The following ZC3H18 variants were observed in gnomAD, a reference collection of about 807,000 sequenced individuals.
ZC3H18 encodes zinc finger CCCH domain-containing protein 18.
In ZC3H18, 8 loss-of-function variants were observed where a neutral mutation model predicts 106.1. The observed-to-expected ratio is 0.08, with a 90% CI of 0.04 to 0.14. The LOEUF is 0.14. ZC3H18 is among the 10% of genes least tolerant of loss of function. The pLI is 1.00. For synonymous variants in ZC3H18, 635 were observed against 522.1 expected (o/e 1.22, Z -2.95); for missense variants, 1,318 against 1,278.4 (o/e 1.03, Z -0.47).
intron 8 of ZC3H18, among the ~76,000 whole-genome samples, chr16:88,614,902 G>A (rs142817777): frequency 5.2e-4 from 79 of 152,142 alleles, no homozygotes; most frequent in African/African-American, 1.6e-3. Flanking sequence ...ACCCCCAGCC[G>A]CTCCCTCTGC....
chr16:88,609,787 G>A (rs1019028050), intron 7 of ZC3H18, among the ~76,000 whole-genome samples: 1 of 128,514 alleles, frequency 7.8e-6, no homozygotes, highest in Non-Finnish European at 1.8e-5. Flanking sequence ...TTTTAGTAGA[G>A]ACAGGGTTTT....
intron 6 of ZC3H18, among the ~76,000 whole-genome samples, chr16:88,602,923 C>T (rs1055738121): frequency 3.3e-5 from 5 of 151,868 alleles, no homozygotes; most frequent in African/African-American, 4.8e-5. Flanking sequence ...GAGGACTTTT[C>T]GAGAAGTCTT....
At chr16:88,592,139 G>T (rs192578248) in intron 3 of ZC3H18, among the ~76,000 whole-genome samples, 1 of 152,328 alleles carries the variant, frequency 6.6e-6, no homozygotes, top group Non-Finnish European at 1.5e-5. Flanking sequence ...TTTCCCACCA[G>T]TGGTGTGGGG....
intron 6 of ZC3H18, among the ~76,000 whole-genome samples, chr16:88,608,144 C>T (rs1905098366): frequency 6.6e-6 from 1 of 152,130 alleles, no homozygotes; most frequent in African/African-American, 2.4e-5. Flanking sequence ...TTTTGCAAAT[C>T]TGAGCTCGTT....
At chr16:88,610,659 TA>T (rs965994999) in intron 7 of ZC3H18, among the ~76,000 whole-genome samples, 2 of 152,234 alleles carry the variant, frequency 1.3e-5, no homozygotes, top group Non-Finnish European at 2.9e-5. Flanking sequence ...TAACCTTGAA[TA>T]TTAGAGCAAA....
At position 88,622,436 on chromosome 16, in the gene ZC3H18, T is replaced by C. The variant is rs1053125204; in HGVS notation, c.1667+48T>C. 6.5e-6 allele frequency: 10 copies of C among 1,531,204 alleles called. No homozygotes were observed. In the South Asian group the frequency reaches 1.1e-4, roughly 17 times the overall value. The allele number at this position is 1,531,204 out of a possible 1,614,324, so 94.9% of individuals were successfully genotyped here. A position where few individuals can be genotyped will look rare whatever the true frequency, so the allele number is the denominator to read the frequency against. ...CTGGGGTGTCAGCACCTTGGAGCCGTCAGCTGACACCATGTACCTCACTGG... is the reference window on the plus strand; with the variant it reads ...CTGGGGTGTCAGCACCTTGGAGCCGCCAGCTGACACCATGTACCTCACTGG... On this transcript the variant is annotated intron_variant, in intron 9 of 17. Transcript: ENST00000301011.
rs371268316 is a variant in ZC3H18, at chr16:88,599,973, T to C, written c.1088+25T>C. 132 of 1,610,624 alleles carry C rather than the reference T, an allele frequency of 8.2e-5. 1 individual carries two copies. The African/African-American group carries it at 1.3e-3, about 15-fold the overall frequency. ...TGTAAGGAATGGCCCTGCCTGCCCC[T>C]CCGTTTCCTTCCTGCATGCGGCCAC... On this transcript the variant is annotated intron_variant, in intron 6 of 17. Transcript: ENST00000301011.
chr16:88,627,619 C>T lies in ZC3H18; in HGVS notation c.2109-3C>T. 1 of 1,598,240 alleles carries T rather than the reference C, an allele frequency of 6.3e-7. No individual in the cohort carries two copies. The highest frequency in any genetic ancestry group is 8.6e-7 in the Non-Finnish European group (1 of 1,168,056). On this transcript the variant is annotated splice_region_variant and splice_polypyrimidine_tract_variant and intron_variant, in intron 13 of 17. Transcript: ENST00000301011. The surrounding 1 kb of genome is among the most constrained non-coding windows in gnomAD (Gnocchi z 4.5). The stretch of plus-strand genomic sequence containing the variant: ...GTGTGGTGAGATGTGCTTGTGTGTC[C>T]AGGTCCCTGAGCGTGAGCAGCGTCT...
At chr16:88,606,891 C>G (rs939662653) in intron 6 of ZC3H18, among the ~76,000 whole-genome samples, 2 of 152,176 alleles carry the variant, frequency 1.3e-5, no homozygotes, top group Non-Finnish European at 2.9e-5. Flanking sequence ...ATCGCTGGAG[C>G]CACCTCAAGC....
In ZC3H18 at chr16:88,577,334, G is replaced by A. The variant is rs1163837143; in HGVS notation, c.211G>A (p.Asp71Asn). The A allele has an allele frequency of 6.2e-7, 1 of 1,607,300 alleles. No homozygotes were observed. The highest frequency in any genetic ancestry group is 2.2e-5 in the East Asian group (1 of 44,806). ...GGAAGATAATCACTCCGACGAGGAG[G>A]ACCGGGCAAGTGAGCCTAAATCCCA... ...EEEDNHSDEE[D>N]RASEPKSQDQ... is the part of the protein sequence containing the mutation. Residue 71 changes from aspartate to asparagine, a missense_variant, in exon 2 of 18, where the codon GAC (aspartate) becomes AAC (asparagine). Around this residue, in one of 6 missense-constraint regions of ZC3H18, gnomAD observed 346 missense variants for 269.0 expected, o/e 1.29. Transcript: ENST00000301011.
At chr16:88,578,776 C>G (rs1026881660) in intron 2 of ZC3H18, among the ~76,000 whole-genome samples, 3 of 152,182 alleles carry the variant, frequency 2.0e-5, no homozygotes, top group Non-Finnish European at 4.4e-5. Flanking sequence ...ACTACAGCCT[C>G]TACCCCCAGG....
chr16:88,585,130 C>A lies in ZC3H18; in HGVS notation c.604-1470C>A, dbSNP rs1218540012. ...GTCACTTGGCATAAATTAAACATGC[C>A]TTCTCTGATCATTTCTTTTTTTAAT... On this transcript the variant is annotated intron_variant, in intron 2 of 17. Transcript: ENST00000301011. Among the ~76,000 whole-genome samples, 10 of 152,072 alleles carry A rather than the reference C, an allele frequency of 6.6e-5. No individual in the cohort carries two copies. In the East Asian group the frequency reaches 1.9e-3, roughly 29 times the overall value.
chr16:88,595,547 C>G (rs1461345292), intron 3 of ZC3H18, among the ~76,000 whole-genome samples: 1 of 149,362 alleles, frequency 6.7e-6, no homozygotes, highest in Non-Finnish European at 1.5e-5. Flanking sequence ...TAGCTGACAC[C>G]TGTAATCCCA....
intron 2 of ZC3H18, among the ~76,000 whole-genome samples, chr16:88,581,318 C>G (rs530962412): frequency 3.3e-4 from 51 of 152,306 alleles, no homozygotes; most frequent in African/African-American, 1.2e-3. Context: ...GAAGCGCTTT[C>G]TCTTCTCTCA....
chr16:88,617,566 C>T (rs950738799), intron 8 of ZC3H18, among the ~76,000 whole-genome samples: 2 of 152,226 alleles, frequency 1.3e-5, no homozygotes, highest in African/African-American at 2.4e-5. Context: ...GATTGGGGAC[C>T]TTCCCGCAGG....
At chr16:88,630,155 C>T in intron 16 of ZC3H18, 2 of 280,128 alleles carry the variant, frequency 7.1e-6, no homozygotes. Flanking sequence ...TATTTCTTTA[C>T]TGCCATGTCT....
chr16:88,577,219 C>T lies in ZC3H18; in HGVS notation c.96C>T (p.Ser32=), dbSNP rs774930000. The part of the protein sequence containing the change: ...GLSDDDILRD[S]GSDQDLDGAG... ...CGGACGATGACATTCTGAGGGACAG[C>T]GGGTCCGATCAGGATTTGGACGGGG... Residue 32 remains serine (S), a synonymous_variant, in exon 2 of 18, where the codon AGC becomes AGT. Coordinates refer to ENST00000301011, the MANE Select transcript of ZC3H18 (RefSeq NM_144604.4). The T allele has an allele frequency of 6.8e-6, 11 of 1,611,884 alleles. No homozygotes were observed. The highest frequency in any genetic ancestry group is 1.7e-4 in the Middle Eastern group (1 of 6,058).
In ZC3H18 at chr16:88,599,424, A is replaced by G. The variant is rs1450265834; in HGVS notation, c.931-367A>G. Among the ~76,000 whole-genome samples, 3 of 152,130 alleles carry G rather than the reference A, an allele frequency of 2.0e-5. No individual in the cohort carries two copies. In the East Asian group the frequency reaches 5.8e-4, roughly 29 times the overall value. On this transcript the variant is annotated intron_variant, in intron 5 of 17. Transcript: ENST00000301011. ...CCTCCCTGCTGGGAAATGACGGACA[A>G]GATGTTCCTTCTCACTCCCTCGGCA...
At position 88,586,611 on chromosome 16, in the gene ZC3H18, G is replaced by A. The variant is rs1354110349; in HGVS notation, c.615G>A (p.Leu205=). ...IDDGEIDDDD[L]EEGEVKDPSD... The stretch of plus-strand genomic sequence containing the variant: ...GTTCTCTGTTTCAGGATGATGACCT[G>A]GAAGAAGGTGAAGTGAAGGACCCCA... Residue 205 remains leucine (L), a synonymous_variant, in exon 3 of 18, where the codon CTG becomes CTA. Coordinates refer to ENST00000301011, the MANE Select transcript of ZC3H18 (RefSeq NM_144604.4). 5 of 1,614,038 alleles carry A rather than the reference G, an allele frequency of 3.1e-6. No individual in the cohort carries two copies. Among genetic ancestry groups the A allele is most frequent in the Admixed American group, 3.3e-5 (2 of 60,008 alleles).
Sources: allele counts gnomAD v4.1 joint callset (sites outside exome capture counted in the v4.1 genomes callset), GRCh38; gene constraint gnomAD v4.1.1; regional missense constraint gnomAD v4.1.1; non-coding constraint Gnocchi (gnomAD v3.1); transcripts MANE v1.5; gene names NCBI Gene and HGNC (gene_info 2026-07-23, HGNC 2026-07-21).